Variants in LRRCC1 observed in about 807,000 individuals in gnomAD.
LRRCC1 encodes leucine rich repeat and coiled-coil centrosomal protein 1, also known as leucine-rich repeat and coiled-coil domain-containing protein 1.
LRRCC1 carries 115 observed loss-of-function variants against 126.0 expected under a neutral mutation model. The observed-to-expected ratio is 0.91, with a 90% CI of 0.78 to 1.07. LRRCC1 has a LOEUF of 1.07. Ranked by LOEUF, LRRCC1 falls within the 50% of genes least tolerant of loss-of-function variation. The pLI is 0.00. For missense variants in LRRCC1, 1,172 were observed against 1,175.7 expected, an observed-to-expected ratio of 1.00 and a Z score of 0.05; for synonymous variants, 400 against 393.4, an observed-to-expected ratio of 1.02 and a Z score of -0.20.
At position 85,126,813 on chromosome 8, in the gene LRRCC1, G is replaced by A. The variant is rs370260275; in HGVS notation, c.1397G>A (p.Ser466Asn). 5.6e-6 allele frequency: 9 copies of A among 1,611,774 alleles called. No individual in the cohort carries two copies. The highest frequency in any genetic ancestry group is 7.6e-6 in the Non-Finnish European group (9 of 1,179,612). Residue 466 changes from serine (S) to asparagine (N), a missense_variant, in exon 9 of 19, where the codon AGT becomes AAT. Transcript: ENST00000360375. ...GCAAATGAAAAAGAGGATATTCATA[G>A]TCTGGCTCTACTTACCACAGATAGG... is the stretch of plus-strand genomic sequence containing the variant. Reference protein sequence around the residue: ...KHANEKEDIHSLALLTTDRLK... With the variant: ...KHANEKEDIHNLALLTTDRLK...
chr8:85,121,503 G>A (rs1321342525), intron 6 of LRRCC1, among the ~76,000 whole-genome samples: 8 of 151,930 alleles, frequency 5.3e-5, no homozygotes, highest in African/African-American at 1.5e-4. Flanking sequence ...ATGCAATGGC[G>A]TGATCTCAGC....
At chr8:85,118,302 G>T (rs1321364495) in intron 6 of LRRCC1, among the ~76,000 whole-genome samples, 2 of 151,876 alleles carry the variant, frequency 1.3e-5, no homozygotes, top group Non-Finnish European at 2.9e-5. Context: ...CTTATAACCT[G>T]GGTTATTAGA....
chr8:85,112,961 A>T lies in LRRCC1; in HGVS notation c.406A>T (p.Lys136Ter). The T allele has an allele frequency of 3.2e-6, 5 of 1,579,924 alleles. No homozygotes were observed. The highest frequency in any genetic ancestry group is 2.3e-5 in the East Asian group (1 of 44,208). ...GATTCCCCTTCATGGAATTAAGCAT[A>T]AACTTAGATATATTGATCTACATAG... ...GLIPLHGIKH[K>*]LRYIDLHSNR... The change falls in exon 4 of 19, where the codon AAA becomes TAA. Residue 136 changes from lysine to a stop codon, truncating the protein, a stop_gained. Coordinates refer to ENST00000360375, the MANE Select transcript of LRRCC1 (RefSeq NM_033402.5). LOFTEE classifies it high-confidence loss of function.
chr8:85,124,903 A>G lies in LRRCC1; in HGVS notation c.1236A>G (p.Lys412=), dbSNP rs745667334. 6.2e-7 allele frequency: 1 copy of G among 1,606,894 alleles called. No individual in the cohort carries two copies. Among genetic ancestry groups the G allele is most frequent in the Non-Finnish European group, 8.5e-7 (1 of 1,177,010 alleles). ...ESEKPKTEII[K]VDQSHSEDNT... is the part of the protein sequence containing the mutation. The stretch of plus-strand genomic sequence containing the variant: ...AAAAGCCAAAGACTGAAATAATTAA[A>G]GTAGACCAAAGTCACTCAGAAGACA... The change falls in exon 8 of 19, where the codon AAA becomes AAG. Residue 412 remains lysine (K), a synonymous_variant. Transcript: ENST00000360375.
intron 11 of LRRCC1, among the ~76,000 whole-genome samples, chr8:85,130,956 C>T (rs1810420044): frequency 6.6e-6 from 1 of 152,230 alleles, no homozygotes; most frequent in Admixed American, 6.5e-5. Flanking sequence ...TCTTGCTCTA[C>T]AGAATCTGTA....
intron 8 of LRRCC1, among the ~76,000 whole-genome samples, chr8:85,125,866 T>C (rs1283429300): frequency 6.6e-6 from 1 of 152,118 alleles, no homozygotes; most frequent in Non-Finnish European, 1.5e-5. Context: ...TTTCCTCCCC[T>C]TATTCTCAAC....
rs1368549804 is a variant in LRRCC1 at position 85,138,372 on chromosome 8, C to A, written c.2737C>A (p.Leu913Ile). The change falls in exon 17 of 19, where the codon CTT becomes ATT. Residue 913 changes from leucine (L) to isoleucine (I), a missense_variant. Leu to Ile is a conservative substitution (Grantham distance 5, BLOSUM62 2). Transcript: ENST00000360375. ...TCGGAAGTGGCATGATAAAGGAGAA[C>A]TTCTATGTCATCTTGAAACACAAGT... ...LNRKWHDKGE[L>I]LCHLETQVKE... is the part of the protein sequence containing the mutation. 2.5e-6 allele frequency: 4 copies of A among 1,611,522 alleles called. No individual in the cohort carries two copies. The highest frequency in any genetic ancestry group is 1.7e-5 in the Admixed American group (1 of 59,660).
intron 6 of LRRCC1, among the ~76,000 whole-genome samples, chr8:85,122,244 T>C (rs1809616423): frequency 6.6e-6 from 1 of 152,256 alleles, no homozygotes; most frequent in African/African-American, 2.4e-5. Flanking sequence ...TGGTTTTCTT[T>C]GTATTTATCC....
chr8:85,119,190 A>G (rs117334976), intron 6 of LRRCC1, among the ~76,000 whole-genome samples: 232 of 151,756 alleles, frequency 1.5e-3, no homozygotes, highest in Non-Finnish European at 2.7e-3. Flanking sequence ...GGTAAGCTGT[A>G]TTTTTCAGTT....
Position 85,138,030 on chromosome 8 carries a change from TAA to T in LRRCC1, c.2494-3_2494-2del. The T allele has an allele frequency of 2.0e-6, 3 of 1,499,866 alleles. No homozygotes were observed. Among genetic ancestry groups the T allele is most frequent in the Non-Finnish European group, 2.7e-6 (3 of 1,113,950 alleles). 92.9% of individuals were successfully genotyped at this position (1,499,866 alleles called of 1,614,324 possible). On this transcript the variant is annotated splice_polypyrimidine_tract_variant and splice_region_variant and intron_variant, in intron 15 of 18. Transcript: ENST00000360375. ...AAAAACAAAGTGCCAATTTTTTTCT[TAA>T]AGTGTTTACAAGAAAAAGATGAACA...
chr8:85,132,262 G>A (rs564327537), intron 12 of LRRCC1, among the ~76,000 whole-genome samples: 29 of 152,056 alleles, frequency 1.9e-4, no homozygotes, highest in South Asian at 4.2e-4. Context: ...GGCCAAATAT[G>A]GCCCACTGCC....
intron 12 of LRRCC1, 57 bp downstream of exon 12, chr8:85,132,018 T>G (rs1810508256): frequency 2.2e-6 from 3 of 1,393,256 alleles, no homozygotes; most frequent in Non-Finnish European, 3.0e-6. Context: ...TATGGTTTGA[T>G]GAGAGGACTT....
intron 8 of LRRCC1, 125 bp downstream of exon 8, chr8:85,125,064 A>T (rs552531050): frequency 1.7e-6 from 1 of 592,444 alleles, no homozygotes; most frequent in Non-Finnish European, 2.8e-6. Context: ...AAAATGGGTT[A>T]TTTTTTCCTT....
At chr8:85,136,834 C>A (rs1021488288) in intron 14 of LRRCC1, among the ~76,000 whole-genome samples, 5 of 151,638 alleles carry the variant, frequency 3.3e-5, no homozygotes, top group Admixed American at 3.3e-4. Flanking sequence ...GATATTTGGT[C>A]TTTTTCTTTT....
chr8:85,145,381 C>G lies in LRRCC1; in HGVS notation c.2977-8C>G. On this transcript the variant is annotated splice_polypyrimidine_tract_variant and splice_region_variant and intron_variant, in intron 18 of 18. Transcript: ENST00000360375. Reference sequence around the variant, plus strand: ...AAATTAAAATGTAAAATTTACATGTCGATTTAGGTCCATCAAATTGAAAAA... The same window carrying G: ...AAATTAAAATGTAAAATTTACATGTGGATTTAGGTCCATCAAATTGAAAAA... 1 of 1,454,908 alleles carries G rather than the reference C, an allele frequency of 6.9e-7. No individual in the cohort carries two copies. Among genetic ancestry groups the G allele is most frequent in the Non-Finnish European group, 9.1e-7 (1 of 1,099,980 alleles). The allele number at this position is 1,454,908 out of a possible 1,614,324, so 90.1% of individuals were successfully genotyped here. A position where few individuals can be genotyped will look rare whatever the true frequency, so the allele number is the denominator to read the frequency against.
intron 1 of LRRCC1, 94 bp from the exon 2 acceptor site, chr8:85,109,501 G>A: frequency 1.5e-6 from 1 of 678,356 alleles, no homozygotes; most frequent in Non-Finnish European, 2.5e-6. Context: ...AATGAATAGA[G>A]CACATATTTA....
rs997208889 is a variant in LRRCC1 at position 85,137,382 on chromosome 8, A to G, written c.2330-82A>G. 1.3e-5 allele frequency: 10 copies of G among 794,888 alleles called. No individual in the cohort carries two copies. The Admixed American group carries it at 1.3e-4, about 10-fold the overall frequency. 49.2% of individuals were successfully genotyped at this position (794,888 alleles called of 1,614,324 possible). A position where few individuals can be genotyped will look rare whatever the true frequency, so the allele number is the denominator to read the frequency against. On this transcript the variant is annotated intron_variant, in intron 14 of 18. Coordinates refer to ENST00000360375, the MANE Select transcript of LRRCC1 (RefSeq NM_033402.5). ...TTTATTTAGTTTTTTTATTATTATTATATTACAGTTTGTTAGAGTTTAATA... is the reference window on the plus strand; with the variant it reads ...TTTATTTAGTTTTTTTATTATTATTGTATTACAGTTTGTTAGAGTTTAATA...
rs1808593331 is a variant in LRRCC1 at position 85,110,150 on chromosome 8, GT to G, written c.347del (p.Val116AspfsTer6). 7.6e-7 allele frequency: 1 copy of G among 1,322,628 alleles called. No homozygotes were observed. Among genetic ancestry groups the G allele is most frequent in the Non-Finnish European group, 1.0e-6 (1 of 957,954 alleles). The allele number at this position is 1,322,628 out of a possible 1,614,324, so 81.9% of individuals were successfully genotyped here. On this transcript the variant is annotated frameshift_variant, in exon 3 of 19. Coordinates refer to ENST00000360375, the MANE Select transcript of LRRCC1 (RefSeq NM_033402.5). LOFTEE classifies it high-confidence loss of function. ...EELINLTRLN[V>X]SYNHIDDLSG... The stretch of plus-strand genomic sequence containing the variant: ...ACTAATTAATCTGACTAGACTAAAT[GT>G]ATCTTATAACCACATAGATGATCTT...
intron 3 of LRRCC1, among the ~76,000 whole-genome samples, chr8:85,112,100 G>C (rs559258354): frequency 6.6e-6 from 1 of 152,142 alleles, no homozygotes; most frequent in African/African-American, 2.4e-5. Flanking sequence ...GGCCTCAAGT[G>C]ATCTGCCCAC....
Sources: gnomAD v4.1 joint callset for allele counts (sites outside exome capture counted in the v4.1 genomes callset) on GRCh38, gnomAD v4.1.1 for gene constraint, MANE v1.5 for transcripts, NCBI Gene and HGNC (gene_info 2026-07-23, HGNC 2026-07-21) for gene names.